HCN1: variants seen among roughly 807,000 people sequenced by gnomAD.
HCN1 encodes hyperpolarization activated cyclic nucleotide gated potassium channel 1, also known as potassium/sodium hyperpolarization-activated cyclic nucleotide-gated channel 1.
HCN1 carries 13 observed loss-of-function variants against 78.9 expected under a neutral mutation model. The ratio of observed to expected loss-of-function variants is 0.16; its 90% CI spans 0.11 to 0.26. The LOEUF is 0.26. Among genes scored for constraint, HCN1 ranks in the 10% least tolerant of loss-of-function variants. The probability of loss-of-function intolerance (pLI) is 1.00; values close to 1 mark genes in which losing one functional copy is unlikely to be tolerated. For synonymous variants in HCN1, 552 were observed against 455.5 expected, an observed-to-expected ratio of 1.21 and a Z score of -2.70; for missense variants, 810 against 1,154.3, an observed-to-expected ratio of 0.70 and a Z score of 4.32.
At chr5:45,610,850 G>A (rs944758627) in intron 2 of HCN1, among the ~76,000 whole-genome samples, 6 of 151,782 alleles carry the variant, frequency 4.0e-5, no homozygotes, top group Non-Finnish European at 8.8e-5. Flanking sequence ...ATGAAATTTA[G>A]AATAGTTGGA....
At position 45,385,086 on chromosome 5, in the gene HCN1, G is replaced by A. The variant is rs547266518; in HGVS notation, c.1230+11406C>T. Among the ~76,000 whole-genome samples the A allele has an allele frequency of 7.9e-5, 12 of 152,114 alleles. No homozygotes were observed. In the South Asian group the frequency reaches 1.9e-3, roughly 24 times the overall value. On this transcript the variant is annotated intron_variant, in intron 4 of 7. Transcript: ENST00000303230. ...TGGTAATTTAGCAATTTAAAATGTC[G>A]ATATATGCTAACACTAGTTAGTCCT...
intron 3 of HCN1, among the ~76,000 whole-genome samples, chr5:45,443,228 G>C (rs1331050240): frequency 6.6e-6 from 1 of 152,016 alleles, no homozygotes; most frequent in African/African-American, 2.4e-5. Flanking sequence ...GGATTGGACT[G>C]AACCTGCATT....
intron 2 of HCN1, among the ~76,000 whole-genome samples, chr5:45,593,336 T>TCACA (rs1430238040): frequency 0.015 from 2,082 of 136,074 alleles, 61 homozygotes; most frequent in African/African-American, 0.056. Context: ...TCTCTCTCTC[T>TCACA]CTCTCACACA....
chr5:45,664,627 T>A (rs13166648), intron 1 of HCN1, among the ~76,000 whole-genome samples: 2 of 151,584 alleles, frequency 1.3e-5, no homozygotes, highest in Admixed American at 6.6e-5. Flanking sequence ...CCCCATCAAA[T>A]AGTGGGCAAA....
intron 4 of HCN1, among the ~76,000 whole-genome samples, chr5:45,387,712 C>A (rs1426811278): frequency 6.6e-6 from 1 of 152,066 alleles, no homozygotes; most frequent in African/African-American, 2.4e-5. Context: ...CTTACAGCAC[C>A]AGGCCATATA....
intron 7 of HCN1, among the ~76,000 whole-genome samples, chr5:45,266,811 A>C (rs933522646): frequency 2.0e-5 from 3 of 151,368 alleles, no homozygotes; most frequent in African/African-American, 7.3e-5. Context: ...CAGGCTCAAG[A>C]GATTCTCCTG....
chr5:45,281,579 CTTTTTT>C (rs751307473), intron 6 of HCN1, among the ~76,000 whole-genome samples: 7 of 81,662 alleles, frequency 8.6e-5, no homozygotes, highest in Non-Finnish European at 1.4e-4. Context: ...CTCTTCTCTT[CTTTTTT>C]TTTTTTTTTT....
chr5:45,691,640 G>A (rs1161523257), intron 1 of HCN1, among the ~76,000 whole-genome samples: 1 of 152,128 alleles, frequency 6.6e-6, no homozygotes, highest in Admixed American at 6.5e-5. Context: ...AATAAGCATT[G>A]CTGGCAGATA....
chr5:45,630,130 C>A (rs1745244576), intron 2 of HCN1, among the ~76,000 whole-genome samples: 1 of 152,134 alleles, frequency 6.6e-6, no homozygotes. Flanking sequence ...CCATCATCGG[C>A]CCCCTAATGC....
At chr5:45,397,020 T>C (rs1739700704) in intron 3 of HCN1, among the ~76,000 whole-genome samples, 1 of 152,164 alleles carries the variant, frequency 6.6e-6, no homozygotes, top group Non-Finnish European at 1.5e-5. Context: ...GAATGAATGC[T>C]TTAAGGTTTC....
intron 6 of HCN1, among the ~76,000 whole-genome samples, chr5:45,277,621 A>C (rs1361296891): frequency 6.6e-6 from 1 of 152,186 alleles, no homozygotes; most frequent in African/African-American, 2.4e-5. Flanking sequence ...CTTTTATTAA[A>C]AAATGAAAGC....
intron 4 of HCN1, among the ~76,000 whole-genome samples, chr5:45,377,368 G>A (rs1447807306): frequency 6.6e-6 from 1 of 151,882 alleles, no homozygotes; most frequent in Non-Finnish European, 1.5e-5. Flanking sequence ...AATATTTTGT[G>A]CATTTGTTAA....
intron 2 of HCN1, among the ~76,000 whole-genome samples, chr5:45,548,842 T>C (rs1299019054): frequency 6.6e-6 from 1 of 151,834 alleles, no homozygotes; most frequent in Non-Finnish European, 1.5e-5. Flanking sequence ...AGCATTCTTA[T>C]ACACCAATAA....
chr5:45,350,137 C>G (rs1746857202), intron 5 of HCN1, among the ~76,000 whole-genome samples: 1 of 152,134 alleles, frequency 6.6e-6, no homozygotes, highest in Non-Finnish European at 1.5e-5. Flanking sequence ...AAAATACTGG[C>G]AAACCGAATC....
intron 3 of HCN1, among the ~76,000 whole-genome samples, chr5:45,457,675 G>C (rs143708514): frequency 6.6e-6 from 1 of 152,216 alleles, no homozygotes; most frequent in Non-Finnish European, 1.5e-5. Flanking sequence ...CACAGTCCTG[G>C]AGGCTGGGAT....
intron 2 of HCN1, among the ~76,000 whole-genome samples, chr5:45,527,686 T>C (rs1364941110): frequency 6.6e-6 from 1 of 151,942 alleles, no homozygotes; most frequent in African/African-American, 2.4e-5. Context: ...AGATAGATAC[T>C]CTTCTTTTGA....
At chr5:45,547,897 TA>T (rs1461039993) in intron 2 of HCN1, among the ~76,000 whole-genome samples, 2 of 152,014 alleles carry the variant, frequency 1.3e-5, no homozygotes, top group African/African-American at 2.4e-5. Context: ...GTTAATCCAA[TA>T]TTTACTAGTA....
At chr5:45,639,200 T>G (rs1745409905) in intron 2 of HCN1, among the ~76,000 whole-genome samples, 1 of 152,076 alleles carries the variant, frequency 6.6e-6, no homozygotes, top group African/African-American at 2.4e-5. Context: ...AAGAAAACAG[T>G]CCGGCATTTT....
chr5:45,476,261 C>T (rs1741512668), intron 2 of HCN1, among the ~76,000 whole-genome samples: 1 of 152,132 alleles, frequency 6.6e-6, no homozygotes, highest in Non-Finnish European at 1.5e-5. Context: ...GATACTTCAT[C>T]TGCTGGCATC....
Sources: allele counts gnomAD v4.1 joint callset (sites outside exome capture counted in the v4.1 genomes callset), GRCh38; gene constraint gnomAD v4.1.1; transcripts MANE v1.5; gene names NCBI Gene and HGNC (gene_info 2026-07-23, HGNC 2026-07-21).